The following VTI1A variants were observed in gnomAD, a reference collection of about 807,000 sequenced individuals.
VTI1A encodes vesicle transport through interaction with t-SNAREs 1A, also known as vesicle transport through interaction with t-SNAREs homolog 1A.
In VTI1A, 22 loss-of-function variants were observed where a neutral mutation model predicts 34.9. That is an observed-to-expected ratio of 0.63 (90% confidence interval 0.45 to 0.90). VTI1A has a LOEUF of 0.90. VTI1A is among the 40% of genes least tolerant of loss of function. The pLI is 0.00. For synonymous variants in VTI1A, 87 were observed against 97.3 expected, an observed-to-expected ratio of 0.89 and a Z score of 0.62; for missense variants, 268 against 275.6, an observed-to-expected ratio of 0.97 and a Z score of 0.20.
chr10:112,561,502 A>T (rs1048270337), intron 5 of VTI1A, among the ~76,000 whole-genome samples: 1 of 152,220 alleles, frequency 6.6e-6, no homozygotes, highest in Non-Finnish European at 1.5e-5. Context: ...CCATTTTATT[A>T]TATGATAAGT....
intron 3 of VTI1A, among the ~76,000 whole-genome samples, chr10:112,502,144 C>T (rs1243266537): frequency 1.3e-5 from 2 of 151,180 alleles, no homozygotes; most frequent in South Asian, 2.1e-4. Flanking sequence ...CCTCCCACCT[C>T]GGCATTTTGA....
intron 5 of VTI1A, among the ~76,000 whole-genome samples, chr10:112,590,407 T>A (rs1303815144): frequency 6.6e-6 from 1 of 152,150 alleles, no homozygotes; most frequent in Non-Finnish European, 1.5e-5. Flanking sequence ...ATTTATTTAT[T>A]GCAGGCTGGG....
At chr10:112,751,107 G>A (rs778024785) in intron 7 of VTI1A, among the ~76,000 whole-genome samples, 16 of 152,140 alleles carry the variant, frequency 1.1e-4, no homozygotes, top group Non-Finnish European at 2.1e-4. Context: ...CTGTAAATGT[G>A]GATATGAAGG....
chr10:112,814,413 C>T (rs1853435218), intron 7 of VTI1A, among the ~76,000 whole-genome samples: 1 of 152,174 alleles, frequency 6.6e-6, no homozygotes, highest in Non-Finnish European at 1.5e-5. Flanking sequence ...GCTGTTTGAC[C>T]TAGGTTCCCT....
rs73354447 is a variant in VTI1A at position 112,814,401 on chromosome 10, C to T, written c.561-889C>T. Reference sequence around the variant, plus strand: ...AGCTCTGTGAGAGCGAGCGTGGGCACGGCTGTTTGACCTAGGTTCCCTTTG... The same window carrying T: ...AGCTCTGTGAGAGCGAGCGTGGGCATGGCTGTTTGACCTAGGTTCCCTTTG... On this transcript the variant is annotated intron_variant, in intron 7 of 7. Transcript: ENST00000393077. Among the ~76,000 whole-genome samples, 372 of 152,278 alleles carry T rather than the reference C, an allele frequency of 2.4e-3. 2 individuals are homozygous for T. The highest frequency in any genetic ancestry group is 8.5e-3 in the African/African-American group (354 of 41,544).
At chr10:112,631,026 A>G (rs1258870555) in intron 5 of VTI1A, among the ~76,000 whole-genome samples, 2 of 152,042 alleles carry the variant, frequency 1.3e-5, no homozygotes, top group Non-Finnish European at 2.9e-5. Context: ...GGAGGCTGAG[A>G]CAGGAGAATC....
intron 5 of VTI1A, among the ~76,000 whole-genome samples, chr10:112,661,608 A>G (rs575184068): frequency 3.9e-5 from 6 of 152,128 alleles, no homozygotes; most frequent in Non-Finnish European, 8.8e-5. Flanking sequence ...TTTGAAGGCT[A>G]TTATTGCTGG....
chr10:112,600,665 T>C lies in VTI1A; in HGVS notation c.427+62335T>C, dbSNP rs374458040. Among the ~76,000 whole-genome samples, 12 of 152,360 alleles carry C rather than the reference T, an allele frequency of 7.9e-5. No individual in the cohort carries two copies. In the East Asian group the frequency reaches 1.5e-3, roughly 20 times the overall value. On this transcript the variant is annotated intron_variant, in intron 5 of 7. Coordinates refer to ENST00000393077, the MANE Select transcript of VTI1A (RefSeq NM_145206.4). ...TCTATATTTATGGGTTTATTGTCTT[T>C]TCTTCCCACGAGAATGAAAAGTCCG...
chr10:112,467,440 C>T (rs187806066), intron 3 of VTI1A, among the ~76,000 whole-genome samples: 2 of 152,030 alleles, frequency 1.3e-5, no homozygotes, highest in Non-Finnish European at 2.9e-5. Context: ...ATAAAATATC[C>T]TAACACTGAT....
intron 3 of VTI1A, among the ~76,000 whole-genome samples, chr10:112,480,346 G>A (rs1848420653): frequency 6.6e-6 from 1 of 152,084 alleles, no homozygotes; most frequent in Admixed American, 6.6e-5. Context: ...TTATTGTTTT[G>A]ATATAGATTA....
intron 3 of VTI1A, among the ~76,000 whole-genome samples, chr10:112,509,610 A>G (rs928436145): frequency 6.6e-6 from 1 of 152,228 alleles, no homozygotes; most frequent in Non-Finnish European, 1.5e-5. Context: ...AAGATAATTC[A>G]GAGAAAATTC....
At chr10:112,666,873 A>T (rs6585168) in intron 5 of VTI1A, among the ~76,000 whole-genome samples, 2,477 of 152,218 alleles carry the variant, frequency 0.016, 67 homozygotes, top group African/African-American at 0.056. Flanking sequence ...TTGTAACTGA[A>T]TTACCTTATT....
intron 7 of VTI1A, among the ~76,000 whole-genome samples, chr10:112,675,985 A>C (rs546569854): frequency 6.6e-6 from 1 of 152,218 alleles, no homozygotes; most frequent in Admixed American, 6.5e-5. Context: ...AAGTGCACAC[A>C]ACAATGCCTG....
chr10:112,449,807 A>G (rs1847166285), intron 1 of VTI1A: 1 of 152,228 alleles, frequency 6.6e-6, no homozygotes, highest in African/African-American at 2.4e-5. Flanking sequence ...AGTATTATAT[A>G]AGGCCCAAAC....
the VTI1A span, among the ~76,000 whole-genome samples, chr10:112,841,610 G>C: frequency 6.6e-6 from 1 of 152,278 alleles, no homozygotes; most frequent in East Asian, 1.9e-4. Context: ...GAAAGTGGGC[G>C]TCTGAATCTG....
At chr10:112,503,564 A>G (rs1312636476) in intron 3 of VTI1A, among the ~76,000 whole-genome samples, 2 of 152,198 alleles carry the variant, frequency 1.3e-5, no homozygotes, top group African/African-American at 4.8e-5. Flanking sequence ...TAAAATTTTG[A>G]TTTTGAGCAA....
the VTI1A span, among the ~76,000 whole-genome samples, chr10:112,846,386 C>A: frequency 6.6e-6 from 1 of 152,224 alleles, no homozygotes; most frequent in African/African-American, 2.4e-5. Context: ...GATATTGGAA[C>A]AGCACTGGCC....
At chr10:112,459,327 A>G (rs1847649726) in intron 1 of VTI1A, among the ~76,000 whole-genome samples, 1 of 152,196 alleles carries the variant, frequency 6.6e-6, no homozygotes, top group African/African-American at 2.4e-5. Flanking sequence ...GAGCTAGACC[A>G]ATGGATGCTA....
chr10:112,705,516 AC>A (rs1185566704), intron 7 of VTI1A, among the ~76,000 whole-genome samples: 1 of 151,160 alleles, frequency 6.6e-6, no homozygotes, highest in African/African-American at 2.4e-5. Flanking sequence ...CTCTACCCCT[AC>A]CCCCGACACA....
Sources: allele counts gnomAD v4.1 joint callset (sites outside exome capture counted in the v4.1 genomes callset), GRCh38; gene constraint gnomAD v4.1.1; transcripts MANE v1.5; gene names NCBI Gene and HGNC (gene_info 2026-07-23, HGNC 2026-07-21).